The following PAK1 variants were observed in gnomAD, a reference collection of about 807,000 sequenced individuals.
PAK1 encodes the protein serine/threonine-protein kinase PAK 1.
A neutral mutation model predicts 67.4 loss-of-function variants in PAK1; 29 were observed. The observed-to-expected ratio is 0.43, with a 90% CI of 0.32 to 0.59. The LOEUF (loss-of-function observed/expected upper bound fraction) is 0.59. PAK1 is among the 20% of genes least tolerant of loss of function. PAK1 has a pLI of 0.07. For synonymous variants in PAK1, 223 were observed against 237.4 expected, an observed-to-expected ratio of 0.94 and a Z score of 0.56; for missense variants, 337 against 670.7, an observed-to-expected ratio of 0.50 and a Z score of 5.50.
chr11:77,442,286 T>C (rs751243407), intron 1 of PAK1, among the ~76,000 whole-genome samples: 4 of 152,152 alleles, frequency 2.6e-5, no homozygotes, highest in Non-Finnish European at 4.4e-5. Flanking sequence ...TCCCACAGGG[T>C]TGGTCTATGT....
chr11:77,492,182 A>C, the PAK1 span, among the ~76,000 whole-genome samples: 3 of 152,250 alleles, frequency 2.0e-5, no homozygotes, highest in Non-Finnish European at 4.4e-5. Flanking sequence ...AAAGAGCTCA[A>C]AAGCTAGCCG....
intron 2 of PAK1, among the ~76,000 whole-genome samples, chr11:77,386,064 G>A (rs1950413254): frequency 6.6e-6 from 1 of 151,972 alleles, no homozygotes; most frequent in African/African-American, 2.4e-5. Context: ...AAATAAAGCG[G>A]GAAAAGAAGC....
At chr11:77,483,293 C>T in the PAK1 span, among the ~76,000 whole-genome samples, 1 of 151,274 alleles carries the variant, frequency 6.6e-6, no homozygotes, top group African/African-American at 2.4e-5. Context: ...CATCAGATAA[C>T]GGCATGTTCG....
chr11:77,471,059 T>C (rs1957830387), intron 1 of PAK1, among the ~76,000 whole-genome samples: 1 of 152,224 alleles, frequency 6.6e-6, no homozygotes, highest in Non-Finnish European at 1.5e-5. Flanking sequence ...AATTAAATCA[T>C]CTTACATTAT....
Position 77,333,296 on chromosome 11 carries a change from C to G in PAK1, c.1414-429G>C, listed in dbSNP as rs551043662. On this transcript the variant is annotated intron_variant, in intron 13 of 14. Coordinates refer to ENST00000356341, the MANE Select transcript of PAK1 (RefSeq NM_002576.5). The stretch of plus-strand genomic sequence containing the variant: ...CACTGCAACCTCCACCTCCCAGGTT[C>G]AAGCAATTCTCCTGACTCAGCCTCC... 9.4e-5 allele frequency among the ~76,000 whole-genome samples: 14 copies of G among 149,278 alleles called. No homozygotes were observed. The South Asian group carries it at 2.8e-3, about 29-fold the overall frequency.
the PAK1 span, among the ~76,000 whole-genome samples, chr11:77,510,585 T>A: frequency 3.9e-5 from 6 of 152,248 alleles, no homozygotes; most frequent in African/African-American, 1.4e-4. Flanking sequence ...GATTTTGTAA[T>A]ATCATTTTCA....
At chr11:77,455,101 T>TA (rs1957026745) in intron 1 of PAK1, among the ~76,000 whole-genome samples, 1 of 152,120 alleles carries the variant, frequency 6.6e-6, no homozygotes, top group Non-Finnish European at 1.5e-5. Flanking sequence ...TGGATAAAGG[T>TA]AACACAAGCA....
At chr11:77,435,589 G>A (rs1956087748) in intron 1 of PAK1, among the ~76,000 whole-genome samples, 1 of 147,788 alleles carries the variant, frequency 6.8e-6, no homozygotes, top group African/African-American at 2.5e-5. Context: ...CGCCTCCCGG[G>A]TTCACGCCAT....
chr11:77,465,625 G>C (rs1469636118), intron 1 of PAK1, among the ~76,000 whole-genome samples: 8 of 152,086 alleles, frequency 5.3e-5, no homozygotes, highest in African/African-American at 1.7e-4. Context: ...CTGGACTGGT[G>C]AGATAATTCC....
intron 1 of PAK1, among the ~76,000 whole-genome samples, chr11:77,436,559 C>G (rs1203658137): frequency 6.6e-6 from 1 of 152,210 alleles, no homozygotes; most frequent in African/African-American, 2.4e-5. Flanking sequence ...ATGCAAGACA[C>G]TGTGCTGGAA....
At chr11:77,434,435 T>C (rs992077111) in intron 1 of PAK1, among the ~76,000 whole-genome samples, 3 of 151,772 alleles carry the variant, frequency 2.0e-5, no homozygotes, top group African/African-American at 7.3e-5. Context: ...GAGGACAAAA[T>C]ATTCTTTTTC....
chr11:77,514,175 G>C, the PAK1 span, among the ~76,000 whole-genome samples: 1 of 152,082 alleles, frequency 6.6e-6, no homozygotes, highest in Non-Finnish European at 1.5e-5. Context: ...TTAAGCTTCA[G>C]GACAAATCAT....
chr11:77,389,478 C>A (rs558719981), intron 2 of PAK1, among the ~76,000 whole-genome samples: 9 of 152,282 alleles, frequency 5.9e-5, no homozygotes, highest in African/African-American at 2.2e-4. Context: ...ACATTCCCAC[C>A]AGCAATTATG....
intron 1 of PAK1, among the ~76,000 whole-genome samples, chr11:77,470,872 T>C (rs1371892021): frequency 2.0e-5 from 3 of 152,106 alleles, no homozygotes; most frequent in African/African-American, 7.2e-5. Flanking sequence ...AACAAAAGAC[T>C]AGGCTAAAAA....
rs1261524605 is a variant in PAK1, at chr11:77,332,647, C to T, written c.1551+83G>A. 4 of 1,096,858 alleles carry T rather than the reference C, an allele frequency of 3.6e-6. No individual in the cohort carries two copies. The South Asian group carries it at 4.1e-5, about 11-fold the overall frequency. 67.9% of individuals were successfully genotyped at this position (1,096,858 alleles called of 1,614,324 possible). A position where few individuals can be genotyped will look rare whatever the true frequency, so the allele number is the denominator to read the frequency against. On this transcript the variant is annotated intron_variant, in intron 14 of 14. Transcript: ENST00000356341. ...GAAGAGAAGCCTAGTTCTATAATAT[C>T]CAGTACCTTACAAACATGAAGTAAA... is the stretch of plus-strand genomic sequence containing the variant.
At chr11:77,384,851 C>A (rs1265033593) in intron 2 of PAK1, among the ~76,000 whole-genome samples, 1 of 151,912 alleles carries the variant, frequency 6.6e-6, no homozygotes, top group African/African-American at 2.4e-5. Flanking sequence ...ATACTAAAAA[C>A]CACGGAATTG....
intron 1 of PAK1, among the ~76,000 whole-genome samples, chr11:77,394,560 T>A (rs1951587758): frequency 6.6e-6 from 1 of 152,058 alleles, no homozygotes. Context: ...TTAAAACCCT[T>A]CACTGGCTGG....
intron 14 of PAK1, among the ~76,000 whole-genome samples, chr11:77,331,026 C>A (rs2136081912): frequency 6.6e-6 from 1 of 152,276 alleles, no homozygotes; most frequent in Admixed American, 6.5e-5. Flanking sequence ...CCAAAAAACA[C>A]ATAAAAAATG....
intron 1 of PAK1, among the ~76,000 whole-genome samples, chr11:77,455,399 A>G (rs937726462): frequency 8.5e-5 from 13 of 152,178 alleles, no homozygotes; most frequent in African/African-American, 3.1e-4. Context: ...TTAGAACTAA[A>G]TTGGATGATG....
Sources: allele counts gnomAD v4.1 joint callset (sites outside exome capture counted in the v4.1 genomes callset), GRCh38; gene constraint gnomAD v4.1.1; transcripts MANE v1.5; gene names NCBI Gene and HGNC (gene_info 2026-07-23, HGNC 2026-07-21).